FAM98C: variants seen among roughly 807,000 people sequenced by gnomAD.
FAM98C encodes protein FAM98C.
FAM98C carries 38 observed loss-of-function variants against 41.1 expected under a neutral mutation model. The ratio of observed to expected loss-of-function variants is 0.92; its 90% confidence interval spans 0.71 to 1.21. FAM98C has a LOEUF of 1.21. Among genes scored for constraint, FAM98C ranks in the 50% most tolerant of loss-of-function variants. The pLI is 0.00. For missense variants in FAM98C, 493 were observed against 484.7 expected (o/e 1.02, Z -0.16); for synonymous variants, 195 against 216.7 (o/e 0.90, Z 0.88).
At position 38,408,880 on chromosome 19, in the gene FAM98C, T is replaced by G. The variant is rs1481125245; in HGVS notation, c.1048T>G (p.Ter350GluextTer26). The change falls in exon 8 of 8, where the codon TAA becomes GAA. Residue 350 changes from the stop codon to glutamate (E), a stop_lost. Coordinates refer to ENST00000252530, the MANE Select transcript of FAM98C (RefSeq NM_174905.4). ...CWGRKKKKKK[*>E] ...GGGTCGCAAGAAGAAGAAGAAGAAGTAAAGGGGGACTGGTGGTCGGGGGCG... is the reference window on the plus strand; with the variant it reads ...GGGTCGCAAGAAGAAGAAGAAGAAGGAAAGGGGGACTGGTGGTCGGGGGCG... The G allele has an allele frequency of 2.6e-6, 4 of 1,561,548 alleles. No individual in the cohort carries two copies. The highest frequency in any genetic ancestry group is 1.4e-5 in the African/African-American group (1 of 69,488).
At chr19:38,407,263 C>T (rs1971054254) in intron 7 of FAM98C, 186 bp downstream of exon 7, 2 of 622,106 alleles carry the variant, frequency 3.2e-6, no homozygotes, top group African/African-American at 3.7e-5. Flanking sequence ...TCCGTGGCTC[C>T]CTAATGATCT....
Position 38,405,042 on chromosome 19 carries a change from C to T in FAM98C, c.484C>T (p.Gln162Ter). The part of the protein sequence containing the change: ...GMVQELDLTL[Q>*]ALGLPRPAPG... The stretch of plus-strand genomic sequence containing the variant: ...GGTCCAAGAACTGGACCTTACCCTC[C>T]AAGCCCTGGGGCTGCCCAGACCTGC... Residue 162 changes from glutamine to a stop codon, truncating the protein, a stop_gained, in exon 4 of 8, where the codon CAA becomes TAA. Coordinates refer to ENST00000252530, the MANE Select transcript of FAM98C (RefSeq NM_174905.4). LOFTEE classifies it high-confidence loss of function. The T allele has an allele frequency of 1.9e-6, 3 of 1,614,138 alleles. No individual in the cohort carries two copies. The highest frequency in any genetic ancestry group is 2.5e-6 in the Non-Finnish European group (3 of 1,180,020).
At position 38,405,130 on chromosome 19, in the gene FAM98C, C is replaced by T; in HGVS notation, c.555+17C>T. The T allele has an allele frequency of 1.3e-6, 2 of 1,596,982 alleles. No homozygotes were observed. Among genetic ancestry groups the T allele is most frequent in the Non-Finnish European group, 1.7e-6 (2 of 1,167,864 alleles). On this transcript the variant is annotated intron_variant, in intron 4 of 7. Coordinates refer to ENST00000252530, the MANE Select transcript of FAM98C (RefSeq NM_174905.4). ...CATGCTAAGGTAGAGAGTCAGAGTCCCCTCCCGACCTGGGCTACCCCACTT... is the reference window on the plus strand; with the variant it reads ...CATGCTAAGGTAGAGAGTCAGAGTCTCCTCCCGACCTGGGCTACCCCACTT...
chr19:38,405,198 T>C, intron 4 of FAM98C, 85 bp downstream of exon 4: 1 of 1,522,852 alleles, frequency 6.6e-7, no homozygotes, highest in Non-Finnish European at 8.9e-7. Context: ...CTGGAAGGAG[T>C]ATTCCAACCA....
chr19:38,403,323 C>A lies in FAM98C; in HGVS notation c.66-15C>A. The stretch of plus-strand genomic sequence containing the variant: ...GTGACATCCCCGCCCCCTCCCGCTG[C>A]CTCGGTCCCCACAGGTATGGAGGTG... On this transcript the variant is annotated splice_polypyrimidine_tract_variant and intron_variant, in intron 1 of 7. Coordinates refer to ENST00000252530, the MANE Select transcript of FAM98C (RefSeq NM_174905.4). 1 of 1,493,286 alleles carries A rather than the reference C, an allele frequency of 6.7e-7. No homozygotes were observed. 92.5% of individuals were successfully genotyped at this position (1,493,286 alleles called of 1,614,324 possible). A position where few individuals can be genotyped will look rare whatever the true frequency, so the allele number is the denominator to read the frequency against.
At chr19:38,408,564 A>C (rs1971084803) in intron 7 of FAM98C, 187 bp from the exon 8 acceptor site, 1 of 708,036 alleles carries the variant, frequency 1.4e-6, no homozygotes, top group East Asian at 2.9e-5. Context: ...GTCTCAAAAA[A>C]AAGAAAAGAA....
rs150392005 is a variant in FAM98C at position 38,408,562 on chromosome 19, A to C, written c.919-189A>C. The C allele has an allele frequency of 3.1e-3, 2,193 of 701,834 alleles. 35 individuals carry two copies. In the East Asian group the frequency reaches 0.043, roughly 14 times the overall value. 43.5% of individuals were successfully genotyped at this position (701,834 alleles called of 1,614,324 possible). ...CAACAGAGTGAGACTCCGTCTCAAAAAAAAGAAAAGAAAAAAGAAAGCTCA... is the reference window on the plus strand; with the variant it reads ...CAACAGAGTGAGACTCCGTCTCAAACAAAAGAAAAGAAAAAAGAAAGCTCA... On this transcript the variant is annotated intron_variant, in intron 7 of 7. Coordinates refer to ENST00000252530, the MANE Select transcript of FAM98C (RefSeq NM_174905.4).
In FAM98C at chr19:38,406,893, C is replaced by G. The variant is rs767148861; in HGVS notation, c.751-17C>G. On this transcript the variant is annotated splice_polypyrimidine_tract_variant and intron_variant, in intron 6 of 7. Coordinates refer to ENST00000252530, the MANE Select transcript of FAM98C (RefSeq NM_174905.4). The stretch of plus-strand genomic sequence containing the variant: ...AAGGGCTCCAGGGTACCTTCTCTTA[C>G]CTCCTCCCCACTCCAGGCCCAAGGA... 6 of 1,610,938 alleles carry G rather than the reference C, an allele frequency of 3.7e-6. No homozygotes were observed. Among genetic ancestry groups the G allele is most frequent in the Non-Finnish European group, 5.1e-6 (6 of 1,177,424 alleles).
Position 38,404,980 on chromosome 19 carries a change from C to T in FAM98C, c.422C>T (p.Pro141Leu). The T allele has an allele frequency of 6.2e-7, 1 of 1,614,212 alleles. No homozygotes were observed. Among genetic ancestry groups the T allele is most frequent in the Non-Finnish European group, 8.5e-7 (1 of 1,180,038 alleles). Reference sequence around the variant, plus strand: ...TCTCTGCTGGATCCGAGTCCTAGGCCACCCCTTGGTGAAGGGGTAGTGGAG... The same window carrying T: ...TCTCTGCTGGATCCGAGTCCTAGGCTACCCCTTGGTGAAGGGGTAGTGGAG... Reference protein sequence around the residue: ...LRSLLDPSPRPPLGEGVVEGA... With the variant: ...LRSLLDPSPRLPLGEGVVEGA... The change falls in exon 4 of 8, where the codon CCA becomes CTA. Residue 141 changes from proline to leucine, a missense_variant. Transcript: ENST00000252530.
At chr19:38,404,807 G>T (rs1971015070) in intron 3 of FAM98C, 101 bp from the exon 4 acceptor site, 8 of 1,313,546 alleles carry the variant, frequency 6.1e-6, no homozygotes, top group Admixed American at 1.7e-5. Context: ...GGGATTACAG[G>T]TGTGAGCCAC....
chr19:38,403,269 C>T (rs754503966), intron 1 of FAM98C, 51 bp downstream of exon 1: 7 of 1,530,706 alleles, frequency 4.6e-6, no homozygotes, highest in Non-Finnish European at 6.1e-6. Flanking sequence ...CAGGTCTGCC[C>T]CCTGGACGCG....
intron 7 of FAM98C, 128 bp from the exon 8 acceptor site, chr19:38,408,623 C>T (rs1482257880): frequency 8.1e-7 from 1 of 1,236,472 alleles, no homozygotes. Context: ...CCCCCCTCCC[C>T]CAGCCACTGT....
chr19:38,408,416 AG>A, intron 7 of FAM98C: 1 of 231,130 alleles, frequency 4.3e-6, no homozygotes, highest in Non-Finnish European at 8.6e-6. Flanking sequence ...AAAATTAGCC[AG>A]GCGTGGTGGC....
At chr19:38,404,861 TG>T in intron 3 of FAM98C, 46 bp from the exon 4 acceptor site, 1 of 1,605,834 alleles carries the variant, frequency 6.2e-7, no homozygotes, top group African/African-American at 1.3e-5. Flanking sequence ...GATGGATGAG[TG>T]GGTAGCAGCC....
rs1484552327 is a variant in FAM98C, at chr19:38,403,167, A to G, written c.14A>G (p.Lys5Arg). The G allele has an allele frequency of 6.5e-7, 1 of 1,532,296 alleles. No individual in the cohort carries two copies. The highest frequency in any genetic ancestry group is 8.7e-7 in the Non-Finnish European group (1 of 1,152,520). The allele number at this position is 1,532,296 out of a possible 1,614,324, so 94.9% of individuals were successfully genotyped here. MEAV[K>R]AEAWEGAAVA... The stretch of plus-strand genomic sequence containing the variant: ...GACCACACTTTCATGGAGGCGGTGA[A>G]GGCGGAAGCGTGGGAGGGGGCCGCG... Residue 5 changes from lysine (K) to arginine (R), a missense_variant, in exon 1 of 8, where the codon AAG becomes AGG. By Grantham distance (26) the Lys-to-Arg change is conservative. Coordinates refer to ENST00000252530, the MANE Select transcript of FAM98C (RefSeq NM_174905.4).
intron 1 of FAM98C, 48 bp downstream of exon 1, chr19:38,403,266 G>GC (rs537029653): frequency 3.4e-5 from 52 of 1,535,420 alleles, no homozygotes; most frequent in Admixed American, 3.2e-4. Context: ...GGCCAGGTCT[G>GC]CCCCCTGGAC....
Position 38,406,997 on chromosome 19 carries a change from G to A in FAM98C, c.838G>A (p.Ala280Thr), listed in dbSNP as rs1382561099. Residue 280 changes from alanine to threonine, a missense_variant, in exon 7 of 8, where the codon GCT becomes ACT. By Grantham distance (58) the Ala-to-Thr change is moderately conservative. Coordinates refer to ENST00000252530, the MANE Select transcript of FAM98C (RefSeq NM_174905.4). Reference protein sequence around the residue: ...ESDISIAHVLAARADLSCLVP... With the variant: ...ESDISIAHVLTARADLSCLVP... ...GGACATCTCCATTGCACACGTTCTG[G>A]CTGCCCGAGCCGACCTGTCTTGTCT... 2 of 1,614,150 alleles carry A rather than the reference G, an allele frequency of 1.2e-6. No homozygotes were observed. The highest frequency in any genetic ancestry group is 1.7e-6 in the Non-Finnish European group (2 of 1,180,036).
Position 38,408,974 on chromosome 19 carries a change from A to G in FAM98C, c.*92A>G. 5.7e-6 allele frequency: 8 copies of G among 1,405,450 alleles called. No homozygotes were observed. The Middle Eastern group carries it at 1.1e-3, about 185-fold the overall frequency. 87.1% of individuals were successfully genotyped at this position (1,405,450 alleles called of 1,614,324 possible). A position where few individuals can be genotyped will look rare whatever the true frequency, so the allele number is the denominator to read the frequency against. The stretch of plus-strand genomic sequence containing the variant: ...GAGTCCGTTTAAGGCTTTCCTTGGT[A>G]TTTGGCACCCAAGCCCCCCATCTCC... On this transcript the variant is annotated 3_prime_UTR_variant, in exon 8 of 8. Transcript: ENST00000252530.
chr19:38,407,376 CTTT>C, intron 7 of FAM98C: 1 of 269,954 alleles, frequency 3.7e-6, no homozygotes, highest in Non-Finnish European at 7.2e-6. Context: ...GTTTTTTAAC[CTTT>C]TTTTTTTTCA....
Sources: gnomAD v4.1 joint callset for allele counts on GRCh38, gnomAD v4.1.1 for gene constraint, MANE v1.5 for transcripts, NCBI Gene and HGNC (gene_info 2026-07-23, HGNC 2026-07-21) for gene names.